Variants in ABCA6 observed in about 807,000 individuals in gnomAD.
ABCA6 encodes the protein ATP-binding cassette sub-family A member 6.
In ABCA6, 164 loss-of-function variants were observed where a neutral mutation model predicts 191.2. The ratio of observed to expected loss-of-function variants is 0.86; its 90% CI spans 0.76 to 0.98. The LOEUF (loss-of-function observed/expected upper bound fraction) is 0.98. Among genes scored for constraint, ABCA6 ranks in the 50% least tolerant of loss-of-function variants. ABCA6 has a pLI of 0.00. For missense variants in ABCA6, 1,958 were observed against 1,894.1 expected, an observed-to-expected ratio of 1.03 and a Z score of -0.63; for synonymous variants, 636 against 647.7, an observed-to-expected ratio of 0.98 and a Z score of 0.27.
At chr17:69,096,183 A>T in intron 25 of ABCA6, 57 bp downstream of exon 25, 1 of 816,486 alleles carries the variant, frequency 1.2e-6, no homozygotes, top group Non-Finnish European at 1.7e-6. Context: ...ATTTAAGATT[A>T]CATTAGAAGT....
intron 7 of ABCA6, 128 bp downstream of exon 7, chr17:69,129,482 G>T: frequency 1.3e-6 from 1 of 740,936 alleles, no homozygotes; most frequent in Non-Finnish European, 2.1e-6. Context: ...GTACACACAA[G>T]GACACACACA....
intron 20 of ABCA6, chr17:69,104,399 T>G (rs1041379811): frequency 3.9e-5 from 6 of 151,930 alleles, no homozygotes; most frequent in African/African-American, 1.5e-4. Context: ...TTTAAGGTAG[T>G]GAGGTGAATA....
chr17:69,122,497 G>A (rs1024209381), intron 10 of ABCA6, among the ~76,000 whole-genome samples: 4 of 151,968 alleles, frequency 2.6e-5, no homozygotes, highest in African/African-American at 4.8e-5. Flanking sequence ...ACCCTACAAA[G>A]TCAATATTAA....
chr17:69,091,412 G>A, intron 25 of ABCA6, 150 bp from the exon 26 acceptor site: 1 of 798,568 alleles, frequency 1.3e-6, no homozygotes. Context: ...TCTCCTTTTA[G>A]AGACAATAGG....
chr17:69,084,355 A>G lies in ABCA6; in HGVS notation c.4261T>C (p.Leu1421=), dbSNP rs371125739. 3.2e-5 allele frequency: 51 copies of G among 1,614,134 alleles called. No individual in the cohort carries two copies. In the African/African-American group the frequency reaches 6.4e-4, roughly 20 times the overall value. Residue 1421 remains leucine, a splice_region_variant and synonymous_variant, in exon 34 of 39, where the codon TTG becomes CTG. Coordinates refer to ENST00000284425, the MANE Select transcript of ABCA6 (RefSeq NM_080284.3). ...QKLTAGITRK[L]CFVLSLLGNS... is the part of the protein sequence containing the mutation. Reference sequence around the variant, plus strand: ...CCCAGGAGGCTCAGCACAAAACACAACTGCAATGTAGAAAAACACCCCTGT... The same window carrying G: ...CCCAGGAGGCTCAGCACAAAACACAGCTGCAATGTAGAAAAACACCCCTGT...
At chr17:69,135,517 C>T (rs1332059303) in intron 4 of ABCA6, 8 of 153,380 alleles carry the variant, frequency 5.2e-5, no homozygotes, top group African/African-American at 1.9e-4. Flanking sequence ...TTCAGCTTCA[C>T]TCTCCCATTA....
In ABCA6 at chr17:69,097,990, G is replaced by A; in HGVS notation, c.3050C>T (p.Ser1017Phe). The A allele has an allele frequency of 1.2e-6, 2 of 1,611,670 alleles. No homozygotes were observed. The highest frequency in any genetic ancestry group is 2.2e-5 in the South Asian group (2 of 90,742). Reference protein sequence around the residue: ...IGLWTGLPDGSFFLFLVLCSI... With the variant: ...IGLWTGLPDGFFFLFLVLCSI... ...ACATAGAACCAAAAATAAGAAAAAG[G>A]AACCATCCGGCAACCCAGTCCAGAG... The change falls in exon 23 of 39, where the codon TCC becomes TTC. Residue 1017 changes from serine to phenylalanine, a missense_variant. Coordinates refer to ENST00000284425, the MANE Select transcript of ABCA6 (RefSeq NM_080284.3).
chr17:69,080,413 C>T (rs1298304763), intron 37 of ABCA6, among the ~76,000 whole-genome samples: 1 of 152,116 alleles, frequency 6.6e-6, no homozygotes, highest in Non-Finnish European at 1.5e-5. Context: ...CACCATTATG[C>T]TGTGCTGAGA....
At chr17:69,085,866 C>T in intron 30 of ABCA6, 150 bp from the exon 31 acceptor site, 1 of 597,416 alleles carries the variant, frequency 1.7e-6, no homozygotes, top group Non-Finnish European at 3.0e-6. Context: ...GTCACCAAAG[C>T]ATGTTCTTTA....
In ABCA6 at chr17:69,079,265, A is replaced by G; in HGVS notation, c.4697T>C (p.Val1566Ala). 6.2e-7 allele frequency: 1 copy of G among 1,601,990 alleles called. No homozygotes were observed. Among genetic ancestry groups the G allele is most frequent in the Non-Finnish European group, 8.5e-7 (1 of 1,174,096 alleles). Residue 1566 changes from valine (V) to alanine (A), a missense_variant and splice_region_variant, in exon 38 of 39, where the codon GTG becomes GCG. By Grantham distance (64) the Val-to-Ala change is moderately conservative. Coordinates refer to ENST00000284425, the MANE Select transcript of ABCA6 (RefSeq NM_080284.3). Reference sequence around the variant, plus strand: ...TTCTTCCAGGTTAAAGTTATGCTTCACTGGAGGAAAAAAAAGACTAGTATT... The same window carrying G: ...TTCTTCCAGGTTAAAGTTATGCTTCGCTGGAGGAAAAAAAAGACTAGTATT... ...LSQTFHKLEA[V>A]KHNFNLEEYS...
intron 7 of ABCA6, 72 bp from the exon 8 acceptor site, chr17:69,128,876 C>A: frequency 8.3e-7 from 1 of 1,208,952 alleles, no homozygotes; most frequent in South Asian, 1.8e-5. Flanking sequence ...GCAGCCCAAT[C>A]AAATAAGGAT....
At chr17:69,105,361 C>A in intron 20 of ABCA6, 101 bp downstream of exon 20, 1 of 1,133,112 alleles carries the variant, frequency 8.8e-7, no homozygotes, top group South Asian at 1.5e-5. Context: ...GTTTAAATAC[C>A]CATTTTCTTC....
chr17:69,081,684 C>A (rs984669951), intron 36 of ABCA6, among the ~76,000 whole-genome samples: 1 of 152,118 alleles, frequency 6.6e-6, no homozygotes, highest in African/African-American at 2.4e-5. Flanking sequence ...GTAAGGAAGA[C>A]ATATTTATTC....
chr17:69,122,348 G>C (rs2073664664), intron 10 of ABCA6, among the ~76,000 whole-genome samples: 1 of 152,050 alleles, frequency 6.6e-6, no homozygotes, highest in Admixed American at 6.6e-5. Context: ...ACCAAACTTT[G>C]TAGAAAAATC....
chr17:69,115,388 C>A lies in ABCA6; in HGVS notation c.1594G>T (p.Val532Phe). The A allele has an allele frequency of 6.2e-7, 1 of 1,607,696 alleles. No individual in the cohort carries two copies. Among genetic ancestry groups the A allele is most frequent in the Non-Finnish European group, 8.5e-7 (1 of 1,176,832 alleles). Reference sequence around the variant, plus strand: ...TCTTTTTACTCACCTTCTGTTGGAACAGACAATCCATTAAGAATATTTAGC... The same window carrying A: ...TCTTTTTACTCACCTTCTGTTGGAAAAGACAATCCATTAAGAATATTTAGC... ...SLLNILNGLS[V>F]PTEGSVTIYN... Residue 532 changes from valine to phenylalanine, a missense_variant, in exon 12 of 39, where the codon GTT becomes TTT. By Grantham distance (50) the Val-to-Phe change is conservative. Transcript: ENST00000284425.
chr17:69,097,229 A>G lies in ABCA6; in HGVS notation c.3121-428T>C, dbSNP rs189117247. ...AACATGGTGAAAGCCCATTTTGACT[A>G]AAAACACAAAAAGTAGTTGGGCATG... On this transcript the variant is annotated intron_variant, in intron 23 of 38. Transcript: ENST00000284425. Among the ~76,000 whole-genome samples the G allele has an allele frequency of 3.9e-4, 59 of 152,232 alleles. 1 individual carries two copies. The East Asian group carries it at 0.011, about 28-fold the overall frequency.
intron 36 of ABCA6, among the ~76,000 whole-genome samples, 199 bp downstream of exon 36, chr17:69,082,674 G>A (rs2072670227): frequency 6.6e-6 from 1 of 152,148 alleles, no homozygotes; most frequent in Non-Finnish European, 1.5e-5. Context: ...CAAGGAGAGT[G>A]TGCCTGGTCT....
intron 8 of ABCA6, among the ~76,000 whole-genome samples, chr17:69,126,691 C>G (rs2144700621): frequency 6.6e-6 from 1 of 151,970 alleles, no homozygotes; most frequent in East Asian, 1.9e-4. Context: ...AATCAAAGAT[C>G]ACTGAAATGA....
chr17:69,079,599 T>C (rs1243592499), intron 37 of ABCA6, among the ~76,000 whole-genome samples: 1 of 152,210 alleles, frequency 6.6e-6, no homozygotes, highest in African/African-American at 2.4e-5. Context: ...CCCATCCTCT[T>C]TAAGAGAACT....
Sources: allele counts gnomAD v4.1 joint callset (sites outside exome capture counted in the v4.1 genomes callset), GRCh38; gene constraint gnomAD v4.1.1; transcripts MANE v1.5; gene names NCBI Gene and HGNC (gene_info 2026-07-23, HGNC 2026-07-21).